The following PDZRN4 variants were observed in gnomAD, a reference collection of about 807,000 sequenced individuals.
The protein encoded by PDZRN4 is PDZ domain containing ring finger 4.
PDZRN4 carries 70 observed loss-of-function variants against 99.0 expected under a neutral mutation model. The observed-to-expected ratio is 0.71, with a 90% CI of 0.58 to 0.86. The LOEUF is 0.86. Ranked by LOEUF, PDZRN4 falls within the 40% of genes least tolerant of loss-of-function variation. PDZRN4 has a pLI of 0.00. For missense variants in PDZRN4, 1,474 were observed against 1,331.2 expected, an observed-to-expected ratio of 1.11 and a Z score of -1.67; for synonymous variants, 551 against 501.6, an observed-to-expected ratio of 1.10 and a Z score of -1.32.
At chr12:41,533,325 C>T (rs1296178416) in intron 5 of PDZRN4, among the ~76,000 whole-genome samples, 1 of 151,960 alleles carries the variant, frequency 6.6e-6, no homozygotes, top group Non-Finnish European at 1.5e-5. Context: ...CAGGCGAGTG[C>T]CACCACACCT....
chr12:41,291,320 C>T (rs988767930), intron 3 of PDZRN4, among the ~76,000 whole-genome samples: 1 of 152,134 alleles, frequency 6.6e-6, no homozygotes, highest in African/African-American at 2.4e-5. Context: ...AAAGTCATAA[C>T]CTTACCTTAA....
At chr12:41,388,328 T>A (rs1327506538) in intron 3 of PDZRN4, among the ~76,000 whole-genome samples, 1 of 151,724 alleles carries the variant, frequency 6.6e-6, no homozygotes, top group South Asian at 2.1e-4. Context: ...GATAAAATAA[T>A]CTTACAAGTT....
chr12:41,568,766 T>C (rs913229220), intron 9 of PDZRN4, among the ~76,000 whole-genome samples: 1 of 151,852 alleles, frequency 6.6e-6, no homozygotes, highest in African/African-American at 2.4e-5. Flanking sequence ...AGTTTACTGA[T>C]TTGTTTAATT....
Position 41,573,427 on chromosome 12 carries a change from C to T in PDZRN4, c.2648C>T (p.Ser883Leu). The T allele has an allele frequency of 6.2e-7, 1 of 1,613,738 alleles. No individual in the cohort carries two copies. Among genetic ancestry groups the T allele is most frequent in the South Asian group, 1.1e-5 (1 of 91,076 alleles). The change falls in exon 10 of 10, where the codon TCA becomes TTA. Residue 883 changes from serine to leucine, a missense_variant. Coordinates refer to ENST00000402685, the MANE Select transcript of PDZRN4 (RefSeq NM_001164595.2). ...ATGTGCAAGGAGTCTCAGAAGTGTTCAGAGCCCAAGATGGAATGGAAGGTG... is the reference window on the plus strand; with the variant it reads ...ATGTGCAAGGAGTCTCAGAAGTGTTTAGAGCCCAAGATGGAATGGAAGGTG... ...VSMCKESQKC[S>L]EPKMEWKVKI... is the part of the protein sequence containing the mutation.
At chr12:41,477,915 T>C (rs767941570) in intron 3 of PDZRN4, 5 of 1,541,874 alleles carry the variant, frequency 3.2e-6, no homozygotes, top group Non-Finnish European at 4.4e-6. Flanking sequence ...ATGTTGGCCA[T>C]CCACTGTAAG....
rs550133181 is a variant in PDZRN4 at position 41,350,285 on chromosome 12, G to T, written c.843+156097G>T. On this transcript the variant is annotated intron_variant, in intron 3 of 9. Transcript: ENST00000402685. ...ATTAATATTAGTTCCTAGTACTTTG[G>T]GCAAGTGAAGCAATTCCAGAGTTTA... Among the ~76,000 whole-genome samples, 3 of 152,076 alleles carry T rather than the reference G, an allele frequency of 2.0e-5. No individual in the cohort carries two copies. In the East Asian group the frequency reaches 5.8e-4, roughly 29 times the overall value.
intron 3 of PDZRN4, among the ~76,000 whole-genome samples, chr12:41,328,583 T>C (rs1349581593): frequency 6.6e-6 from 1 of 152,158 alleles, no homozygotes; most frequent in African/African-American, 2.4e-5. Flanking sequence ...CAGCTCAACT[T>C]TTTTTAAAAA....
At chr12:41,202,737 C>T (rs1950825710) in intron 3 of PDZRN4, among the ~76,000 whole-genome samples, 2 of 152,004 alleles carry the variant, frequency 1.3e-5, no homozygotes, top group Non-Finnish European at 1.5e-5. Context: ...ATATTTTAAA[C>T]AATTTTGTAT....
At chr12:41,396,975 T>G (rs1205314975) in intron 3 of PDZRN4, among the ~76,000 whole-genome samples, 1 of 150,022 alleles carries the variant, frequency 6.7e-6, no homozygotes, top group Non-Finnish European at 1.5e-5. Context: ...TGATGAACCA[T>G]TAGCTAAAAA....
At chr12:41,453,822 T>G (rs1012171254) in intron 3 of PDZRN4, among the ~76,000 whole-genome samples, 2 of 151,072 alleles carry the variant, frequency 1.3e-5, no homozygotes, top group Admixed American at 6.6e-5. Flanking sequence ...GAGTGGGGGG[T>G]TTCCCCCATT....
At chr12:41,411,588 AC>A (rs1475288687) in intron 3 of PDZRN4, 1 of 152,194 alleles carries the variant, frequency 6.6e-6, no homozygotes, top group East Asian at 1.9e-4. Context: ...CCTGAGTTTG[AC>A]TTTTTAGCAC....
At chr12:41,526,694 C>T (rs1257210203) in intron 5 of PDZRN4, among the ~76,000 whole-genome samples, 1 of 152,176 alleles carries the variant, frequency 6.6e-6, no homozygotes, top group African/African-American at 2.4e-5. Context: ...AGTTTTACAA[C>T]TTTATGCACA....
At chr12:41,345,214 A>G (rs967471449) in intron 3 of PDZRN4, among the ~76,000 whole-genome samples, 2 of 152,194 alleles carry the variant, frequency 1.3e-5, no homozygotes, top group Admixed American at 6.6e-5. Flanking sequence ...TGTTCTCATT[A>G]TGTGTGGCGA....
intron 3 of PDZRN4, among the ~76,000 whole-genome samples, chr12:41,446,780 C>T (rs1046544357): frequency 1.8e-4 from 27 of 151,098 alleles, no homozygotes; most frequent in Admixed American, 6.6e-5. Context: ...CAAGGGGCAT[C>T]TAAGAAACTT....
chr12:41,319,548 T>C (rs1270453491), intron 3 of PDZRN4, among the ~76,000 whole-genome samples: 1 of 152,086 alleles, frequency 6.6e-6, no homozygotes, highest in East Asian at 1.9e-4. Context: ...ACATCTACTG[T>C]CTCTCCACAG....
chr12:41,194,139 G>A lies in PDZRN4; in HGVS notation c.794G>A (p.Gly265Glu). Residue 265 changes from glycine to glutamate, a missense_variant, in exon 3 of 10, where the codon GGA (glycine) becomes GAA (glutamate). By Grantham distance (98) the Gly-to-Glu change is moderately conservative. Transcript: ENST00000402685. ...GIYVSKILEN[G>E]PADRADGLEI... is the part of the protein sequence containing the mutation. ...TACGTTTCAAAAATTTTAGAAAATG[G>A]ACCTGCTGACAGAGCAGATGGCCTG... The A allele has an allele frequency of 6.4e-7, 1 of 1,573,494 alleles. No homozygotes were observed. Among genetic ancestry groups the A allele is most frequent in the Non-Finnish European group, 8.6e-7 (1 of 1,156,260 alleles).
chr12:41,525,281 CTTAT>C (rs1938550357), intron 5 of PDZRN4, among the ~76,000 whole-genome samples: 1 of 152,234 alleles, frequency 6.6e-6, no homozygotes, highest in East Asian at 1.9e-4. Flanking sequence ...AATTGTATCG[CTTAT>C]TTGAGGAGGA....
chr12:41,354,868 A>G (rs1951915350), intron 3 of PDZRN4, among the ~76,000 whole-genome samples: 1 of 152,034 alleles, frequency 6.6e-6, no homozygotes, highest in African/African-American at 2.4e-5. Flanking sequence ...ACCTCCTGGA[A>G]CAAAGGGCAA....
intron 3 of PDZRN4, among the ~76,000 whole-genome samples, chr12:41,462,887 G>A (rs1241778097): frequency 1.3e-5 from 2 of 152,088 alleles, no homozygotes; most frequent in Admixed American, 6.5e-5. Context: ...TTTGAGATGT[G>A]TAAAAGGAAT....
Sources: gnomAD v4.1 joint callset for allele counts (sites outside exome capture counted in the v4.1 genomes callset) on GRCh38, gnomAD v4.1.1 for gene constraint, MANE v1.5 for transcripts, NCBI Gene and HGNC (gene_info 2026-07-23, HGNC 2026-07-21) for gene names.